MYLK: variants seen among roughly 807,000 people sequenced by gnomAD.
MYLK encodes the protein myosin light chain kinase, also known as myosin light chain kinase, smooth muscle.
Under a neutral mutation model 203.4 loss-of-function variants are expected in MYLK, and 106 were observed. The observed-to-expected ratio is 0.52, with a 90% CI of 0.45 to 0.61. MYLK has a LOEUF of 0.61. MYLK is among the 20% of genes least tolerant of loss of function. The probability of loss-of-function intolerance (pLI) is 0.00; values close to 1 mark genes in which losing one functional copy is unlikely to be tolerated. For missense variants in MYLK, 2,072 were observed against 2,442.3 expected (o/e 0.85, Z 3.20); for synonymous variants, 867 against 959.5 (o/e 0.90, Z 1.78).
chr3:123,728,833 C>T (rs1019809433), intron 11 of MYLK, among the ~76,000 whole-genome samples: 2 of 152,182 alleles, frequency 1.3e-5, no homozygotes, highest in South Asian at 2.1e-4. Flanking sequence ...TTCAACGACT[C>T]CATTTTCCGG....
chr3:123,733,542 G>T, intron 10 of MYLK, 145 bp downstream of exon 10: 1 of 941,944 alleles, frequency 1.1e-6, no homozygotes, highest in Non-Finnish European at 1.7e-6. Context: ...TAAGGGGAAG[G>T]CCCTTGTAAG....
At chr3:123,617,823 T>A (rs2057593512) in intron 33 of MYLK, 1 of 152,246 alleles carries the variant, frequency 6.6e-6, no homozygotes, top group African/African-American at 2.4e-5. Flanking sequence ...ACGCTTTGTG[T>A]CATCAACTTT....
intron 3 of MYLK, among the ~76,000 whole-genome samples, chr3:123,799,076 C>T (rs2065096314): frequency 6.6e-6 from 1 of 151,946 alleles, no homozygotes; most frequent in Admixed American, 6.5e-5. Context: ...TCAATACAAG[C>T]TAAACACAGA....
chr3:123,614,768 A>C (rs1236741718), intron 33 of MYLK, among the ~76,000 whole-genome samples: 1 of 151,024 alleles, frequency 6.6e-6, no homozygotes, highest in African/African-American at 2.4e-5. Flanking sequence ...GTGAGACTAT[A>C]GGCATGAGCG....
rs1266921857 is a variant in MYLK at position 123,739,955 on chromosome 3, T to G, written c.420A>C (p.Leu140Phe). ...QLGQPVVSKT[L>F]GDRFSAPAVE... ...TGTCTTGAACATCCAGGACTTACCC[T>G]AAGGTTTTGGAAACAACAGGCTGAC... The change falls in exon 6 of 34, where the codon TTA (leucine) becomes TTC (phenylalanine). Residue 140 changes from leucine (L) to phenylalanine (F), a missense_variant and splice_region_variant. Coordinates refer to ENST00000360304, the MANE Select transcript of MYLK (RefSeq NM_053025.4). The G allele has an allele frequency of 6.2e-7, 1 of 1,613,790 alleles. No individual in the cohort carries two copies. The highest frequency in any genetic ancestry group is 8.5e-7 in the Non-Finnish European group (1 of 1,179,810).
At chr3:123,761,686 G>C (rs998437255) in intron 4 of MYLK, among the ~76,000 whole-genome samples, 2 of 152,160 alleles carry the variant, frequency 1.3e-5, no homozygotes, top group Admixed American at 6.5e-5. Context: ...CAATGTCAGT[G>C]TCTGACTGGC....
intron 3 of MYLK, among the ~76,000 whole-genome samples, chr3:123,806,957 G>T (rs2065390351): frequency 6.6e-6 from 1 of 152,002 alleles, no homozygotes; most frequent in South Asian, 2.1e-4. Flanking sequence ...GAACCACCGT[G>T]CCTGGCCAAC....
intron 3 of MYLK, among the ~76,000 whole-genome samples, chr3:123,807,181 C>G (rs558859060): frequency 6.6e-6 from 1 of 152,096 alleles, no homozygotes; most frequent in Non-Finnish European, 1.5e-5. Context: ...GTAATCCCAG[C>G]ACTTTGAGAA....
chr3:123,744,579 A>G (rs1337208497), intron 5 of MYLK, among the ~76,000 whole-genome samples: 2 of 152,236 alleles, frequency 1.3e-5, no homozygotes, highest in African/African-American at 4.8e-5. Flanking sequence ...TCTCCGTTTT[A>G]TGATACGGGG....
At chr3:123,620,118 AAAGAAC>A in intron 32 of MYLK, 83 bp downstream of exon 32, 1 of 1,205,730 alleles carries the variant, frequency 8.3e-7, no homozygotes, top group Non-Finnish European at 1.2e-6. Flanking sequence ...ATAAAAAAAA[AAAGAAC>A]AAAACCAACC....
intron 24 of MYLK, among the ~76,000 whole-genome samples, chr3:123,656,538 CCCTG>C (rs1248019469): frequency 3.3e-5 from 5 of 152,154 alleles, no homozygotes; most frequent in Admixed American, 6.5e-5. Context: ...TCCTTATCTT[CCCTG>C]CCTTTTAGAA....
chr3:123,694,098 C>T (rs972549378), intron 18 of MYLK, among the ~76,000 whole-genome samples: 7 of 152,178 alleles, frequency 4.6e-5, no homozygotes, highest in Admixed American at 4.6e-4. Flanking sequence ...TCAGTTCTGC[C>T]CAGAAAACCT....
chr3:123,700,561 C>G lies in MYLK; in HGVS notation c.2907G>C (p.Glu969Asp). 6.2e-7 allele frequency: 1 copy of G among 1,613,728 alleles called. No individual in the cohort carries two copies. Among genetic ancestry groups the G allele is most frequent in the Non-Finnish European group, 8.5e-7 (1 of 1,179,850 alleles). ...TGGCAGGTTTTGGCGGTGGCACCTT[C>G]TCAGGCACGGGGGTCTTGGAAGTCC... is the stretch of plus-strand genomic sequence containing the variant. ...KKGTSKTPVP[E>D]KVPPPKPATP... Residue 969 changes from glutamate (E) to aspartate (D), a missense_variant, in exon 18 of 34, where the codon GAG becomes GAC. By Grantham distance (45) the Glu-to-Asp change is conservative. Coordinates refer to ENST00000360304, the MANE Select transcript of MYLK (RefSeq NM_053025.4).
rs1482237314 is a variant in MYLK at position 123,642,501 on chromosome 3, C to G, written c.4620-1997G>C. Among the ~76,000 whole-genome samples the G allele has an allele frequency of 6.6e-6, 1 of 152,174 alleles. No individual in the cohort carries two copies. Among genetic ancestry groups the G allele is most frequent in the Non-Finnish European group, 1.5e-5 (1 of 68,032 alleles). On this transcript the variant is annotated intron_variant, in intron 27 of 33. Coordinates refer to ENST00000360304, the MANE Select transcript of MYLK (RefSeq NM_053025.4). This position sits in a 1 kb window ranked among gnomAD's most constrained non-coding sequence, Gnocchi z 4.2. ...ACACACACACTCACTTCTGGAAGGG[C>G]TGAACTGGAGAAGGTCAGTCTGTGC...
intron 1 of MYLK, among the ~76,000 whole-genome samples, chr3:123,883,549 C>T (rs1288076413): frequency 3.3e-5 from 5 of 152,176 alleles, no homozygotes; most frequent in Non-Finnish European, 7.3e-5. Context: ...GTTTTAGTTC[C>T]ATAAGTTCCA....
intron 3 of MYLK, among the ~76,000 whole-genome samples, chr3:123,831,216 G>A (rs569597726): frequency 6.6e-5 from 10 of 152,334 alleles, no homozygotes; most frequent in African/African-American, 2.4e-4. Flanking sequence ...TGGAAGGATG[G>A]AGTACCACAG....
At chr3:123,681,124 A>T (rs2060249041) in intron 20 of MYLK, 1 of 152,166 alleles carries the variant, frequency 6.6e-6, no homozygotes, top group Non-Finnish European at 1.5e-5. Context: ...ATGAATTAAA[A>T]CCTTTTCTTT....
intron 2 of MYLK, among the ~76,000 whole-genome samples, chr3:123,861,935 C>A (rs1363336842): frequency 6.6e-6 from 1 of 152,224 alleles, no homozygotes; most frequent in Non-Finnish European, 1.5e-5. Flanking sequence ...GGTGTCACCC[C>A]TTCCGCAGGC....
intron 13 of MYLK, among the ~76,000 whole-genome samples, chr3:123,717,097 A>T (rs1370054818): frequency 5.3e-5 from 8 of 152,230 alleles, no homozygotes; most frequent in Admixed American, 3.9e-4. Context: ...TTCTTCTTCA[A>T]TATATTTTTC....
Sources: allele counts gnomAD v4.1 joint callset (sites outside exome capture counted in the v4.1 genomes callset), GRCh38; gene constraint gnomAD v4.1.1; non-coding constraint Gnocchi (gnomAD v3.1); transcripts MANE v1.5; gene names NCBI Gene and HGNC (gene_info 2026-07-23, HGNC 2026-07-21).